The following HYCC2 variants were observed in gnomAD, a reference collection of about 807,000 sequenced individuals.
The protein encoded by HYCC2 is hyccin PI4KA lipid kinase complex subunit 2.
chr2:201,005,533 T>C, the HYCC2 span, among the ~76,000 whole-genome samples: 438 of 152,338 alleles, frequency 2.9e-3, 3 homozygotes, highest in African/African-American at 0.01. Flanking sequence ...TATGTCAGAA[T>C]TCCTAAAGGC....
chr2:201,056,294 G>A, the HYCC2 span, among the ~76,000 whole-genome samples: 2 of 152,198 alleles, frequency 1.3e-5, no homozygotes, highest in African/African-American at 4.8e-5. Context: ...GTGATGCTCT[G>A]CCCATTTCCT....
the HYCC2 span, among the ~76,000 whole-genome samples, chr2:200,993,549 A>C: frequency 6.6e-6 from 1 of 152,348 alleles, no homozygotes; most frequent in Non-Finnish European, 1.5e-5. Flanking sequence ...TAATCAATTA[A>C]TTTAGTAAGA....
At chr2:201,069,097 G>A in the HYCC2 span, among the ~76,000 whole-genome samples, 65 of 152,348 alleles carry the variant, frequency 4.3e-4, no homozygotes, top group Admixed American at 1.5e-3. Context: ...TTTTCACTAT[G>A]TAGCATTGGT....
chr2:201,054,422 T>C, the HYCC2 span, among the ~76,000 whole-genome samples: 1 of 152,244 alleles, frequency 6.6e-6, no homozygotes, highest in Non-Finnish European at 1.5e-5. Flanking sequence ...AGGGACCCTC[T>C]ACAAAGCTCC....
At chr2:201,001,436 C>T in the HYCC2 span, among the ~76,000 whole-genome samples, 1,491 of 152,170 alleles carry the variant, frequency 9.8e-3, 15 homozygotes, top group Non-Finnish European at 0.014. Context: ...AGAAATAACT[C>T]GAATGTCCAT....
the HYCC2 span, among the ~76,000 whole-genome samples, chr2:201,058,567 C>T: frequency 1.6e-4 from 24 of 152,028 alleles, no homozygotes; most frequent in Non-Finnish European, 2.4e-4. Flanking sequence ...AGCCAGGCAT[C>T]GTGGCGCATG....
chr2:201,023,712 C>T, the HYCC2 span: 15 of 292,682 alleles, frequency 5.1e-5, no homozygotes, highest in Non-Finnish European at 6.9e-5. Context: ...TTTAAAATAT[C>T]GTCTCATCAA....
the HYCC2 span, among the ~76,000 whole-genome samples, chr2:201,058,498 G>T: frequency 6.6e-6 from 1 of 152,168 alleles, no homozygotes; most frequent in African/African-American, 2.4e-5. Context: ...ATCGCTTGAG[G>T]TCAGGAGACC....
At chr2:200,994,474 T>G in the HYCC2 span, among the ~76,000 whole-genome samples, 1 of 152,078 alleles carries the variant, frequency 6.6e-6, no homozygotes, top group Non-Finnish European at 1.5e-5. Context: ...TGACCTCAGG[T>G]GATCTGCCCA....
the HYCC2 span, among the ~76,000 whole-genome samples, chr2:201,039,392 T>G: frequency 1.1e-4 from 16 of 152,352 alleles, no homozygotes; most frequent in African/African-American, 3.8e-4. Flanking sequence ...TTCTGTTTTC[T>G]AAGTTAAACT....
chr2:200,993,010 A>AAAT, the HYCC2 span: 55 of 1,544,730 alleles, frequency 3.6e-5, no homozygotes, highest in Non-Finnish European at 4.7e-5. Context: ...AACCCTAGGA[A>AAAT]AATACACTAT....
the HYCC2 span, among the ~76,000 whole-genome samples, chr2:201,008,050 A>G: frequency 6.6e-6 from 1 of 152,122 alleles, no homozygotes; most frequent in African/African-American, 2.4e-5. Context: ...ATAAACCATA[A>G]CTGTGAGTAT....
the HYCC2 span, among the ~76,000 whole-genome samples, chr2:200,994,687 G>A: frequency 7.3e-3 from 1,112 of 152,084 alleles, 16 homozygotes; most frequent in African/African-American, 0.025. Flanking sequence ...ACTAAACTCC[G>A]CCATCATTTT....
the HYCC2 span, among the ~76,000 whole-genome samples, chr2:201,019,402 G>A: frequency 6.6e-5 from 10 of 152,224 alleles, no homozygotes; most frequent in Non-Finnish European, 5.9e-5. Context: ...GCGAATGGGG[G>A]GTAGATGTTG....
At chr2:200,978,422 A>G in the HYCC2 span, 1 of 150,082 alleles carries the variant, frequency 6.7e-6, no homozygotes, top group Admixed American at 6.7e-5. Flanking sequence ...ATACAAACAT[A>G]TATGTATATA....
chr2:201,047,705 A>G, the HYCC2 span, among the ~76,000 whole-genome samples: 1 of 151,324 alleles, frequency 6.6e-6, no homozygotes, highest in South Asian at 2.1e-4. Flanking sequence ...AAGCAGCCAT[A>G]GGAAAAAAAA....
At chr2:201,000,119 C>G in the HYCC2 span, among the ~76,000 whole-genome samples, 1 of 148,998 alleles carries the variant, frequency 6.7e-6, no homozygotes, top group South Asian at 2.1e-4. Context: ...TTCCTGAAAT[C>G]CCAGCACTTT....
At chr2:201,034,328 T>A in the HYCC2 span, among the ~76,000 whole-genome samples, 1 of 152,226 alleles carries the variant, frequency 6.6e-6, no homozygotes, top group Admixed American at 6.5e-5. Flanking sequence ...AGTTAGCTCT[T>A]CTTGTTGAAT....
At chr2:200,981,136 G>A in the HYCC2 span, 3 of 1,038,610 alleles carry the variant, frequency 2.9e-6, no homozygotes, top group Non-Finnish European at 4.3e-6. This position sits in a 1 kb window ranked among gnomAD's most constrained non-coding sequence, Gnocchi z 4.5. Flanking sequence ...ACAAAATACA[G>A]TATGAAGATA....
Sources: gnomAD v4.1 joint callset for allele counts (sites outside exome capture counted in the v4.1 genomes callset) on GRCh38, gnomAD v4.1.1 for gene constraint, Gnocchi (gnomAD v3.1) non-coding constraint, MANE v1.5 for transcripts, NCBI Gene and HGNC (gene_info 2026-07-23, HGNC 2026-07-21) for gene names.